RNF38: variants seen among roughly 807,000 people sequenced by gnomAD.
The protein encoded by RNF38 is E3 ubiquitin-protein ligase RNF38.
In RNF38, 15 loss-of-function variants were observed where a neutral mutation model predicts 67.2. That is an observed-to-expected ratio of 0.22 (90% CI 0.15 to 0.34). The LOEUF is 0.34. Among genes scored for constraint, RNF38 ranks in the 10% least tolerant of loss-of-function variants. RNF38 has a pLI of 1.00. For missense variants in RNF38, 524 were observed against 639.9 expected (o/e 0.82, Z 1.95); for synonymous variants, 220 against 218.8 (o/e 1.01, Z -0.05).
chr9:36,400,665 C>T, upstream of RNF38: 13 of 985,794 alleles, frequency 1.3e-5, no homozygotes, highest in Non-Finnish European at 1.6e-5. Context: ...GATCCGCCGT[C>T]CGCGGGCCTC....
intron 2 of RNF38, among the ~76,000 whole-genome samples, chr9:36,376,437 G>A (rs772201035): frequency 7.2e-5 from 11 of 152,074 alleles, no homozygotes; most frequent in East Asian, 3.9e-4. Flanking sequence ...TGTAGTACTC[G>A]ACCTTCTCTT....
At chr9:36,461,130 G>A (rs1300382370) in intron 1 of RNF38, among the ~76,000 whole-genome samples, 3 of 152,088 alleles carry the variant, frequency 2.0e-5, no homozygotes, top group African/African-American at 7.2e-5. Context: ...CAGGAGAATT[G>A]CTTGAACCTG....
At chr9:36,367,997 G>A (rs968036631) in intron 4 of RNF38, among the ~76,000 whole-genome samples, 2 of 152,088 alleles carry the variant, frequency 1.3e-5, no homozygotes, top group African/African-American at 4.8e-5. Context: ...GATTACAGGT[G>A]CCTGCCATCA....
At chr9:36,389,298 T>C (rs902842595) in intron 2 of RNF38, among the ~76,000 whole-genome samples, 5 of 151,444 alleles carry the variant, frequency 3.3e-5, no homozygotes, top group African/African-American at 9.7e-5. Context: ...AAAGTTTATA[T>C]TGAGTTACTG....
intron 2 of RNF38, among the ~76,000 whole-genome samples, chr9:36,418,624 A>T (rs1010804813): frequency 6.6e-6 from 1 of 151,898 alleles, no homozygotes; most frequent in Non-Finnish European, 1.5e-5. Context: ...TATCTCTACT[A>T]AAAATACAAA....
intron 1 of RNF38, among the ~76,000 whole-genome samples, chr9:36,461,251 G>A (rs956813547): frequency 6.6e-6 from 1 of 152,084 alleles, no homozygotes; most frequent in Non-Finnish European, 1.5e-5. Flanking sequence ...CAAAAACTCT[G>A]GGTCAGGGAT....
chr9:36,398,436 T>G (rs1837714182), intron 1 of RNF38, among the ~76,000 whole-genome samples: 1 of 152,222 alleles, frequency 6.6e-6, no homozygotes, highest in Non-Finnish European at 1.5e-5. Flanking sequence ...ATTTTTTTAA[T>G]GAAAGATGTA....
intron 10 of RNF38, among the ~76,000 whole-genome samples, chr9:36,343,364 A>G (rs549825496): frequency 6.6e-6 from 1 of 152,314 alleles, no homozygotes; most frequent in African/African-American, 2.4e-5. Flanking sequence ...AAGATAATTT[A>G]TCTGGTGAGA....
chr9:36,381,822 A>C (rs938934605), intron 2 of RNF38, among the ~76,000 whole-genome samples: 5 of 152,244 alleles, frequency 3.3e-5, no homozygotes, highest in African/African-American at 7.2e-5. Flanking sequence ...TGTAGTGGGT[A>C]CATTTCCTTG....
intron 1 of RNF38, among the ~76,000 whole-genome samples, chr9:36,444,094 C>A (rs1839251820): frequency 6.6e-6 from 1 of 152,004 alleles, no homozygotes; most frequent in South Asian, 2.1e-4. Context: ...TTAGCAACTA[C>A]AATAATGTTT....
chr9:36,464,853 G>C (rs548036372), intron 1 of RNF38, among the ~76,000 whole-genome samples: 56 of 152,190 alleles, frequency 3.7e-4, no homozygotes, highest in African/African-American at 1.3e-3. Context: ...TAAAATTCCA[G>C]ATTTGCAAAG....
intron 1 of RNF38, among the ~76,000 whole-genome samples, chr9:36,442,038 T>A (rs982784138): frequency 6.6e-6 from 1 of 152,120 alleles, no homozygotes; most frequent in Admixed American, 6.5e-5. Flanking sequence ...TTCCCCTACA[T>A]AGGAACCATC....
At chr9:36,392,155 C>T (rs570751191) in intron 1 of RNF38, among the ~76,000 whole-genome samples, 1 of 152,222 alleles carries the variant, frequency 6.6e-6, no homozygotes, top group East Asian at 1.9e-4. Flanking sequence ...ATACCCTTAC[C>T]TTCCTTAGCC....
chr9:36,476,673 A>T (rs1369030587), intron 1 of RNF38, among the ~76,000 whole-genome samples: 2 of 151,494 alleles, frequency 1.3e-5, no homozygotes, highest in Non-Finnish European at 2.9e-5. Context: ...ACAGGCGCCC[A>T]CCACCATGCC....
At chr9:36,352,201 G>C (rs557837674) in intron 8 of RNF38, among the ~76,000 whole-genome samples, 1 of 151,950 alleles carries the variant, frequency 6.6e-6, no homozygotes, top group Non-Finnish European at 1.5e-5. Context: ...TTGGGAGGCC[G>C]AGGCAGGAAA....
At chr9:36,461,923 A>G (rs1156536238) in intron 1 of RNF38, among the ~76,000 whole-genome samples, 1 of 152,216 alleles carries the variant, frequency 6.6e-6, no homozygotes, top group African/African-American at 2.4e-5. Context: ...CTTGGGAACA[A>G]ATGCTATCAT....
intron 1 of RNF38, among the ~76,000 whole-genome samples, chr9:36,439,205 A>G (rs1478798336): frequency 1.3e-5 from 2 of 152,266 alleles, no homozygotes; most frequent in Non-Finnish European, 2.9e-5. Flanking sequence ...CAAAAATTAT[A>G]TTCAAGCTAA....
chr9:36,376,588 C>A (rs993014157), intron 2 of RNF38, among the ~76,000 whole-genome samples: 1 of 151,890 alleles, frequency 6.6e-6, no homozygotes, highest in Non-Finnish European at 1.5e-5. Flanking sequence ...CACTCCTCTC[C>A]CTCCTTCTAT....
At chr9:36,443,876 T>G (rs1839248440) in intron 1 of RNF38, among the ~76,000 whole-genome samples, 1 of 152,014 alleles carries the variant, frequency 6.6e-6, no homozygotes. Flanking sequence ...CAAATTGAAA[T>G]GTACAGAGAC....
Sources: allele counts gnomAD v4.1 joint callset (sites outside exome capture counted in the v4.1 genomes callset), GRCh38; gene constraint gnomAD v4.1.1; transcripts MANE v1.5; gene names NCBI Gene and HGNC (gene_info 2026-07-23, HGNC 2026-07-21).